The following OR2T29 variants were observed in gnomAD, a reference collection of about 807,000 sequenced individuals.
The protein encoded by OR2T29 is olfactory receptor family 2 subfamily T member 29.
For missense variants in OR2T29, 7 were observed against 121.9 expected, an observed-to-expected ratio of 0.06 and a Z score of 4.44; for synonymous variants, 2 against 44.9, an observed-to-expected ratio of 0.04 and a Z score of 3.82.
intron 1 of OR2T29, among the ~76,000 whole-genome samples, chr1:248,560,821 G>C (rs1659526870): frequency 3.6e-3 from 1 of 276 alleles, no homozygotes. Context: ...CAAACCTCAT[G>C]TGCTTTATTA....
chr1:248,560,577 T>TA (rs1431927970), intron 1 of OR2T29, among the ~76,000 whole-genome samples: 1,255 of 21,502 alleles, frequency 0.058, 8 homozygotes, highest in Middle Eastern at 0.19. Flanking sequence ...TAAATATATA[T>TA]AATATATTTA....
At chr1:248,562,127 TTC>T (rs1457480090) in intron 1 of OR2T29, among the ~76,000 whole-genome samples, 3 of 148,782 alleles carry the variant, frequency 2.0e-5, no homozygotes, top group Admixed American at 6.7e-5. Flanking sequence ...TCCTATTATT[TTC>T]TCTCTTTACA....
In OR2T29 at chr1:248,559,540, G is replaced by T. The variant is rs762680513; in HGVS notation, c.-10-39C>A. The T allele has an allele frequency of 1.3e-5, 14 of 1,094,950 alleles. 1 individual carries two copies. The highest frequency in any genetic ancestry group is 1.9e-5 in the Non-Finnish European group (14 of 729,160). The allele number at this position is 1,094,950 out of a possible 1,614,324, so 67.8% of individuals were successfully genotyped here. On this transcript the variant is annotated intron_variant, in intron 1 of 1. Coordinates refer to ENST00000641069, the MANE Select transcript of OR2T29 (RefSeq NM_001004694.3). ...GAGAGTTTTGGAGTCAGTGTAACGC[G>T]TCCCTTTGTAATGAGTGTTTAGTGA...
At chr1:248,562,650 A>G (rs1659543263) in intron 1 of OR2T29, 76 bp downstream of exon 1, 1 of 145,436 alleles carries the variant, frequency 6.9e-6, no homozygotes, top group African/African-American at 2.6e-5. Flanking sequence ...AGAACGTTTC[A>G]GAAGCAGAAC....
At chr1:248,560,363 T>A (rs1659520075) in intron 1 of OR2T29, among the ~76,000 whole-genome samples, 1 of 96,654 alleles carries the variant, frequency 1.0e-5, no homozygotes, top group Non-Finnish European at 3.0e-5. Flanking sequence ...CTGCACAACC[T>A]ACCTAAGAGA....
At chr1:248,560,533 TTG>T (rs1209266177) in intron 1 of OR2T29, among the ~76,000 whole-genome samples, 1 of 41,642 alleles carries the variant, frequency 2.4e-5, no homozygotes, top group African/African-American at 3.9e-5. Flanking sequence ...GATTTTATAT[TTG>T]TGTGTTTATG....
chr1:248,560,569 AATAT>A (rs1367765777), intron 1 of OR2T29, among the ~76,000 whole-genome samples: 1 of 31,814 alleles, frequency 3.1e-5, no homozygotes, highest in African/African-American at 4.7e-5. Flanking sequence ...GTTTTATATA[AATAT>A]ATATAATATA....
chr1:248,562,362 T>G (rs1179553641), intron 1 of OR2T29, among the ~76,000 whole-genome samples: 1 of 130,656 alleles, frequency 7.7e-6, no homozygotes, highest in East Asian at 2.2e-4. Context: ...TTCTAGTGTT[T>G]TGTAACCCTC....
Position 248,557,974 on chromosome 1 carries a change from A to G in OR2T29, c.*570T>C, listed in dbSNP as rs1459659711. 5.8e-6 allele frequency: 1 copy of G among 173,600 alleles called. No homozygotes were observed. The highest frequency in any genetic ancestry group is 1.2e-5 in the Non-Finnish European group (1 of 80,606). 10.8% of individuals were successfully genotyped at this position (173,600 alleles called of 1,614,324 possible). ...TGGATTTTCTCGGTAATGATTAGAT[A>G]TAATGAAATGAGCATGATTTCTAAG... On this transcript the variant is annotated 3_prime_UTR_variant, in exon 2 of 2. Coordinates refer to ENST00000641069, the MANE Select transcript of OR2T29 (RefSeq NM_001004694.3).
At chr1:248,561,754 G>C (rs1444692815) in intron 1 of OR2T29, among the ~76,000 whole-genome samples, 50 of 57,350 alleles carry the variant, frequency 8.7e-4, no homozygotes, top group Non-Finnish European at 1.2e-3. Context: ...TAAATTGAGG[G>C]GGAGCAGGAG....
At chr1:248,562,437 A>G (rs201660126) in intron 1 of OR2T29, among the ~76,000 whole-genome samples, 18,425 of 138,722 alleles carry the variant, frequency 0.13, 1,120 homozygotes, top group East Asian at 0.31. Context: ...GTGACAGGAA[A>G]ATAAATACAT....
intron 1 of OR2T29, among the ~76,000 whole-genome samples, chr1:248,562,282 G>C (rs1490376107): frequency 6.7e-6 from 1 of 148,282 alleles, no homozygotes; most frequent in South Asian, 2.1e-4. Flanking sequence ...TCCCTCTGCA[G>C]TCTACACTTT....
At chr1:248,560,356 C>A (rs1163403352) in intron 1 of OR2T29, among the ~76,000 whole-genome samples, 4 of 96,132 alleles carry the variant, frequency 4.2e-5, no homozygotes, top group African/African-American at 1.0e-4. Flanking sequence ...AACTATTCTG[C>A]ACAACCTACC....
chr1:248,559,538 G>A lies in OR2T29; in HGVS notation c.-10-37C>T, dbSNP rs199885209. ...AGGAGAGTTTTGGAGTCAGTGTAACGCGTCCCTTTGTAATGAGTGTTTAGT... is the reference window on the plus strand; with the variant it reads ...AGGAGAGTTTTGGAGTCAGTGTAACACGTCCCTTTGTAATGAGTGTTTAGT... On this transcript the variant is annotated intron_variant, in intron 1 of 1. Transcript: ENST00000641069. The A allele has an allele frequency of 2.5e-3, 2,721 of 1,093,112 alleles. 12 individuals carry two copies. The African/African-American group carries it at 0.034, about 14-fold the overall frequency. The allele number at this position is 1,093,112 out of a possible 1,614,324, so 67.7% of individuals were successfully genotyped here.
intron 1 of OR2T29, among the ~76,000 whole-genome samples, chr1:248,560,592 A>T (rs1462685037): frequency 4.3e-4 from 15 of 34,498 alleles, no homozygotes; most frequent in African/African-American, 5.9e-4. Context: ...TATTTATGTA[A>T]ACATACACAG....
rs1659464813 is a variant in OR2T29, at chr1:248,557,090, C to T, written c.*1454G>A. 6.6e-6 allele frequency: 1 copy of T among 152,314 alleles called. No individual in the cohort carries two copies. The highest frequency in any genetic ancestry group is 1.5e-5 in the Non-Finnish European group (1 of 68,062). The allele number at this position is 152,314 out of a possible 1,614,324, so 9.4% of individuals were successfully genotyped here. ...CTATCAGCCTATTCTCGGGTAAAGG[C>T]ATGGTCGACTCCACTTAGATCAACA... On this transcript the variant is annotated 3_prime_UTR_variant, in exon 2 of 2. Transcript: ENST00000641069.
At position 248,559,018 on chromosome 1, in the gene OR2T29, C is replaced by T; in HGVS notation, c.474G>A (p.Val158=). The T allele has an allele frequency of 1.3e-4, 27 of 212,000 alleles. No homozygotes were observed. Among genetic ancestry groups the T allele is most frequent in the Non-Finnish European group, 2.2e-4 (27 of 122,536 alleles). 13.1% of individuals were successfully genotyped at this position (212,000 alleles called of 1,614,324 possible). Residue 158 remains valine (V), a synonymous_variant, in exon 2 of 2, where the codon GTG becomes GTA. Transcript: ENST00000641069. Reference sequence around the variant, plus strand: ...TGATGGGAGTGAGCATGAAGCCATCCACTGAGCCCAGGAACCAGCAGCCCG... The same window carrying T: ...TGATGGGAGTGAGCATGAAGCCATCTACTGAGCCCAGGAACCAGCAGCCCG... ...LASGCWFLGS[V]DGFMLTPITM... is the part of the protein sequence containing the mutation.
chr1:248,562,203 G>A (rs1388717201), intron 1 of OR2T29, among the ~76,000 whole-genome samples: 2 of 150,746 alleles, frequency 1.3e-5, no homozygotes, highest in Admixed American at 6.6e-5. Flanking sequence ...GAGATAGAAC[G>A]CACGTCTCAG....
intron 1 of OR2T29, among the ~76,000 whole-genome samples, chr1:248,560,312 T>G (rs2103075248): frequency 1.1e-5 from 1 of 92,064 alleles, no homozygotes; most frequent in South Asian, 3.4e-4. Flanking sequence ...AATAAACACA[T>G]ATACTCTTAG....
Sources: allele counts gnomAD v4.1 joint callset (sites outside exome capture counted in the v4.1 genomes callset), GRCh38; gene constraint gnomAD v4.1.1; transcripts MANE v1.5; gene names NCBI Gene and HGNC (gene_info 2026-07-23, HGNC 2026-07-21).